Variants in TSBP1 observed in about 807,000 individuals in gnomAD.
TSBP1 encodes testis-expressed basic protein 1.
TSBP1 carries 56 observed loss-of-function variants against 68.8 expected under a neutral mutation model. The ratio of observed to expected loss-of-function variants is 0.81; its 90% confidence interval spans 0.66 to 1.02. The LOEUF is 1.02. Ranked by LOEUF, TSBP1 falls within the 50% of genes least tolerant of loss-of-function variation. The pLI is 0.00. For synonymous variants in TSBP1, 171 were observed against 208.7 expected, an observed-to-expected ratio of 0.82 and a Z score of 1.56; for missense variants, 502 against 641.2, an observed-to-expected ratio of 0.78 and a Z score of 2.34.
In TSBP1 at chr6:32,335,853, C is replaced by A; in HGVS notation, c.451+59G>T. ...CCCAACATGGAAACCAGGTAGCGAT[C>A]CCTAAGATACTGCAGGAAAGTAAAA... is the stretch of plus-strand genomic sequence containing the variant. On this transcript the variant is annotated intron_variant, in intron 13 of 22. Coordinates refer to ENST00000612031, the Ensembl canonical transcript of TSBP1. This position sits in a 1 kb window ranked among gnomAD's most constrained non-coding sequence, Gnocchi z 5.5. 1 of 1,374,126 alleles carries A rather than the reference C, an allele frequency of 7.3e-7. No homozygotes were observed. Among genetic ancestry groups the A allele is most frequent in the Non-Finnish European group, 1.0e-6 (1 of 965,212 alleles). The allele number at this position is 1,374,126 out of a possible 1,614,324, so 85.1% of individuals were successfully genotyped here.
At chr6:32,355,866 A>T (rs1431982687) in intron 6 of TSBP1, among the ~76,000 whole-genome samples, 197 bp from the exon 7 acceptor site, 1 of 152,210 alleles carries the variant, frequency 6.6e-6, no homozygotes, top group Non-Finnish European at 1.5e-5. Context: ...TAAGGTAAAT[A>T]CATGTAGTGA....
intron 19 of TSBP1, among the ~76,000 whole-genome samples, chr6:32,308,957 CTTTTT>C (rs9279571): frequency 3.3e-5 from 4 of 122,058 alleles, no homozygotes; most frequent in Non-Finnish European, 1.7e-5. Context: ...TTTCTTCCTG[CTTTTT>C]TTTTTTTTTT....
At chr6:32,368,499 C>G (rs1169532819) in intron 3 of TSBP1, among the ~76,000 whole-genome samples, 1 of 152,168 alleles carries the variant, frequency 6.6e-6, no homozygotes, top group African/African-American at 2.4e-5. Context: ...TGGAACAGTT[C>G]TCTGTTGCTG....
At chr6:32,363,335 G>A (rs954004456) in intron 6 of TSBP1, among the ~76,000 whole-genome samples, 1 of 151,922 alleles carries the variant, frequency 6.6e-6, no homozygotes, top group Admixed American at 6.6e-5. Flanking sequence ...GCTACTCTGT[G>A]TCTTTTCATT....
At chr6:32,332,101 T>G in intron 14 of TSBP1, 47 bp from the exon 16 acceptor site, 1 of 1,423,254 alleles carries the variant, frequency 7.0e-7, no homozygotes, top group Admixed American at 1.7e-5. Context: ...ATTTGGAGAG[T>G]GTATTTTTCA....
In TSBP1 at chr6:32,337,541, A is replaced by G. The variant is rs1769817200; in HGVS notation, c.410-906T>C. 6.6e-6 allele frequency among the ~76,000 whole-genome samples: 1 copy of G among 152,208 alleles called. No homozygotes were observed. The highest frequency in any genetic ancestry group is 6.5e-5 in the Admixed American group (1 of 15,274). Reference sequence around the variant, plus strand: ...AACAGAGTAACTTGGCCTGCCATGTAAAAGGGAATAGAAACTGCTAGGTTG... The same window carrying G: ...AACAGAGTAACTTGGCCTGCCATGTGAAAGGGAATAGAAACTGCTAGGTTG... On this transcript the variant is annotated intron_variant, in intron 11 of 22. Transcript: ENST00000612031. The surrounding 1 kb of genome is among the most constrained non-coding windows in gnomAD (Gnocchi z 5.5).
At chr6:32,356,130 A>G (rs1772297283) in intron 6 of TSBP1, among the ~76,000 whole-genome samples, 1 of 152,224 alleles carries the variant, frequency 6.6e-6, no homozygotes, top group Non-Finnish European at 1.5e-5. Context: ...TCTGGAGACA[A>G]AGCAAATTAC....
At chr6:32,294,197 TA>T (rs763856616) in intron 22 of TSBP1, 162 bp from the exon 26 acceptor site, 7 of 762,608 alleles carry the variant, frequency 9.2e-6, no homozygotes, top group Non-Finnish European at 1.3e-5. Context: ...TACATAAAAT[TA>T]TAAAAGTATC....
rs1769981116 is a variant in TSBP1 at position 32,338,865 on chromosome 6, G to A, written c.409+114C>T. 2.3e-6 allele frequency: 2 copies of A among 873,832 alleles called. No individual in the cohort carries two copies. Among genetic ancestry groups the A allele is most frequent in the Non-Finnish European group, 3.9e-6 (2 of 514,958 alleles). The allele number at this position is 873,832 out of a possible 1,614,324, so 54.1% of individuals were successfully genotyped here. On this transcript the variant is annotated intron_variant, in intron 11 of 22. Transcript: ENST00000612031. The surrounding 1 kb of genome is among the most constrained non-coding windows in gnomAD (Gnocchi z 5.5). ...GAATAGGGAATAAACAAGGGGAAAG[G>A]AATGGACAATTTGTGAAAGAAATAA...
exon 23 of TSBP1, chr6:32,293,609 T>G: frequency 1.2e-6 from 2 of 1,613,062 alleles, no homozygotes; most frequent in South Asian, 2.2e-5. Context: ...CAACCCACTC[T>G]TCGTTACTTG....
chr6:32,331,952 G>T, intron 15 of TSBP1, 82 bp downstream of exon 16: 1 of 974,446 alleles, frequency 1.0e-6, no homozygotes, highest in Non-Finnish European at 1.6e-6. Context: ...CTTTAACCCA[G>T]ATACTTAAAC....
intron 19 of TSBP1, among the ~76,000 whole-genome samples, chr6:32,303,666 C>G (rs7742654): frequency 0.21 from 31,989 of 151,932 alleles, 3,555 homozygotes; most frequent in East Asian, 0.22. Context: ...AAATAAATTT[C>G]TGTGATTTGC....
chr6:32,370,407 G>GTGTATA lies in TSBP1; in HGVS notation c.14-425_14-424insTATACA, dbSNP rs1241237254. On this transcript the variant is annotated intron_variant, in intron 1 of 22. Transcript: ENST00000612031. ...TACCTTTAAAGTTGCAAGATTTTCT[G>GTGTATA]TATATATATATATATATATATATAT... Among the ~76,000 whole-genome samples the GTGTATA allele has an allele frequency of 4.6e-3, 603 of 130,654 alleles. 13 individuals are homozygous for GTGTATA. The highest frequency in any genetic ancestry group is 0.017 in the East Asian group (78 of 4,592). 85.7% of individuals were successfully genotyped at this position (130,654 alleles called of 152,430 possible).
chr6:32,324,724 CTT>C (rs1369207548), intron 16 of TSBP1: 1 of 1,549,110 alleles, frequency 6.5e-7, no homozygotes, highest in South Asian at 1.2e-5. Context: ...TTTCTTGTTT[CTT>C]TTCCTACTCA....
chr6:32,346,655 T>C (rs1771028911), intron 9 of TSBP1, among the ~76,000 whole-genome samples: 1 of 152,136 alleles, frequency 6.6e-6, no homozygotes, highest in Non-Finnish European at 1.5e-5. Context: ...CTGGGCAAGA[T>C]GGCAAAACCC....
chr6:32,324,464 G>A, intron 16 of TSBP1: 3 of 762,098 alleles, frequency 3.9e-6, no homozygotes, highest in Non-Finnish European at 6.8e-6. Context: ...AATCCTGCAG[G>A]GGATTGTAAA....
At chr6:32,355,272 G>C in intron 7 of TSBP1, 128 bp from the exon 8 acceptor site, 1 of 871,644 alleles carries the variant, frequency 1.1e-6, no homozygotes, top group Non-Finnish European at 1.9e-6. Flanking sequence ...AGTCATCACT[G>C]ATCTGGTGAT....
intron 6 of TSBP1, chr6:32,356,767 A>G (rs2206618): frequency 0.29 from 44,449 of 153,968 alleles, 7,448 homozygotes; most frequent in African/African-American, 0.44. Flanking sequence ...TAGAGTTGCC[A>G]CAAAAATGGA....
At chr6:32,293,560 A>G in exon 23 of TSBP1, 1 of 1,608,940 alleles carries the variant, frequency 6.2e-7, no homozygotes, top group Non-Finnish European at 8.5e-7. Flanking sequence ...CACCCATCTC[A>G]CTCTTCTCTA....
Sources: allele counts gnomAD v4.1 joint callset (sites outside exome capture counted in the v4.1 genomes callset), GRCh38; gene constraint gnomAD v4.1.1; non-coding constraint Gnocchi (gnomAD v3.1); transcripts MANE v1.5; gene names NCBI Gene and HGNC (gene_info 2026-07-23, HGNC 2026-07-21).